The following UBE2J1 variants were observed in gnomAD, a reference collection of about 807,000 sequenced individuals.
UBE2J1 encodes ubiquitin conjugating enzyme E2 J1, also known as ubiquitin-conjugating enzyme E2 J1.
UBE2J1 carries 17 observed loss-of-function variants against 42.1 expected under a neutral mutation model. The observed-to-expected ratio is 0.40, with a 90% CI of 0.28 to 0.61. The LOEUF (loss-of-function observed/expected upper bound fraction) is 0.61. Among genes scored for constraint, UBE2J1 ranks in the 20% least tolerant of loss-of-function variants. The pLI, the probability that UBE2J1 is intolerant of heterozygous loss-of-function variation, is 0.38. For missense variants in UBE2J1, 291 were observed against 389.4 expected (o/e 0.75, Z 2.13); for synonymous variants, 127 against 137.2 (o/e 0.93, Z 0.52).
chr6:89,344,051 CATTA>C (rs1462794195), intron 1 of UBE2J1, among the ~76,000 whole-genome samples: 1 of 151,930 alleles, frequency 6.6e-6, no homozygotes, highest in East Asian at 1.9e-4. Context: ...CTTTTACAGA[CATTA>C]ATAACTCATT....
chr6:89,335,505 G>C, intron 5 of UBE2J1, 74 bp from the exon 6 acceptor site: 1 of 1,123,814 alleles, frequency 8.9e-7, no homozygotes, highest in Non-Finnish European at 1.2e-6. Context: ...ACACTCAAAT[G>C]CTCGATCATT....
chr6:89,345,531 G>C (rs1371071391), intron 1 of UBE2J1, among the ~76,000 whole-genome samples: 1 of 151,068 alleles, frequency 6.6e-6, no homozygotes, highest in Middle Eastern at 3.2e-3. Flanking sequence ...GCACCCAGGA[G>C]GTGGAGGTTG....
At chr6:89,340,704 C>CTGT (rs1280274486) in intron 3 of UBE2J1, among the ~76,000 whole-genome samples, 1 of 152,028 alleles carries the variant, frequency 6.6e-6, no homozygotes, top group African/African-American at 2.4e-5. Context: ...AATGTTCTCT[C>CTGT]TGTTATACAA....
chr6:89,333,055 A>G (rs948612481), intron 7 of UBE2J1, 31 bp downstream of exon 7: 2 of 1,561,914 alleles, frequency 1.3e-6, no homozygotes, highest in Non-Finnish European at 1.7e-6. Context: ...TGATAGAGAC[A>G]TACATATATA....
rs1049069133 is a variant in UBE2J1, at chr6:89,352,624, G to A, written c.-55C>T. 11 of 1,512,292 alleles carry A rather than the reference G, an allele frequency of 7.3e-6. No individual in the cohort carries two copies. The South Asian group carries it at 1.2e-4, about 17-fold the overall frequency. 93.7% of individuals were successfully genotyped at this position (1,512,292 alleles called of 1,614,324 possible). A position where few individuals can be genotyped will look rare whatever the true frequency, so the allele number is the denominator to read the frequency against. On this transcript the variant is annotated 5_prime_UTR_variant, in exon 1 of 8. Coordinates refer to ENST00000435041, the MANE Select transcript of UBE2J1 (RefSeq NM_016021.3). ...CGGGCCGCTGCCACCTCCTCTCCAC[G>A]CGGCCGCTGCCCGGGTCTCAGCGCG...
At chr6:89,337,220 C>A (rs990771364) in intron 5 of UBE2J1, among the ~76,000 whole-genome samples, 22 of 145,116 alleles carry the variant, frequency 1.5e-4, no homozygotes, top group African/African-American at 5.5e-4. Context: ...AACAAGAACT[C>A]CAGTTCTTTT....
chr6:89,337,095 C>T (rs1200981725), intron 5 of UBE2J1, among the ~76,000 whole-genome samples: 1 of 152,132 alleles, frequency 6.6e-6, no homozygotes, highest in Non-Finnish European at 1.5e-5. Context: ...CCTGTCTTGG[C>T]CTGCCAAAGA....
intron 6 of UBE2J1, among the ~76,000 whole-genome samples, chr6:89,333,530 GATGTGAACCT>G (rs1281219522): frequency 6.6e-6 from 1 of 152,200 alleles, no homozygotes; most frequent in Non-Finnish European, 1.5e-5. Flanking sequence ...GATATGAGCT[GATGTGAACCT>G]ATGAATAGTC....
chr6:89,351,069 C>CCT (rs1768466581), intron 1 of UBE2J1, among the ~76,000 whole-genome samples: 1 of 60,442 alleles, frequency 1.7e-5, no homozygotes, highest in Non-Finnish European at 3.0e-5. Flanking sequence ...CCGGGATTCT[C>CCT]TTTTTTTTTT....
At chr6:89,339,631 AGGGAAGGAG>A (rs2127867607) in intron 3 of UBE2J1, among the ~76,000 whole-genome samples, 1 of 842 alleles carries the variant, frequency 1.2e-3, no homozygotes, top group Non-Finnish European at 2.5e-3. Flanking sequence ...GAAGGGGAGG[AGGGAAGGAG>A]TGGGGGAGGG....
intron 2 of UBE2J1, among the ~76,000 whole-genome samples, 167 bp from the exon 3 acceptor site, chr6:89,342,622 T>C (rs1178998823): frequency 6.6e-6 from 1 of 152,236 alleles, no homozygotes; most frequent in African/African-American, 2.4e-5. Context: ...ATAAATTAAA[T>C]TTATAAGTAA....
In UBE2J1 at chr6:89,352,627, GC is replaced by G. The variant is rs556064049; in HGVS notation, c.-59del. On this transcript the variant is annotated 5_prime_UTR_variant, in exon 1 of 8. Transcript: ENST00000435041. Reference sequence around the variant, plus strand: ...GCCGCTGCCACCTCCTCTCCACGCGGCCGCTGCCCGGGTCTCAGCGCGGCTC... The same window carrying G: ...GCCGCTGCCACCTCCTCTCCACGCGGCGCTGCCCGGGTCTCAGCGCGGCTC... 1,396 of 1,507,738 alleles carry G rather than the reference GC, an allele frequency of 9.3e-4. 20 individuals carry two copies. In the African/African-American group the frequency reaches 0.016, roughly 18 times the overall value. The allele number at this position is 1,507,738 out of a possible 1,614,324, so 93.4% of individuals were successfully genotyped here.
intron 1 of UBE2J1, among the ~76,000 whole-genome samples, chr6:89,345,075 C>T (rs1768332764): frequency 6.6e-6 from 1 of 152,134 alleles, no homozygotes; most frequent in Admixed American, 6.5e-5. Flanking sequence ...GCTGGGAGGA[C>T]AGGCTGGGCA....
intron 1 of UBE2J1, among the ~76,000 whole-genome samples, chr6:89,344,809 G>C (rs1768326776): frequency 6.6e-6 from 1 of 152,160 alleles, no homozygotes; most frequent in South Asian, 2.1e-4. Flanking sequence ...TCTCCCTGAT[G>C]AATGACTGCT....
intron 4 of UBE2J1, 55 bp from the exon 5 acceptor site, chr6:89,338,365 T>C: frequency 1.3e-6 from 2 of 1,583,606 alleles, no homozygotes; most frequent in South Asian, 2.3e-5. Flanking sequence ...CAACTGGGTT[T>C]ATTCTGGAAA....
chr6:89,331,852 G>A (rs1272506348), intron 7 of UBE2J1, among the ~76,000 whole-genome samples: 1 of 149,478 alleles, frequency 6.7e-6, no homozygotes, highest in African/African-American at 2.6e-5. Flanking sequence ...GAAATAAAAA[G>A]TAATTAGAAA....
chr6:89,326,777 C>T lies in UBE2J1; in HGVS notation c.*2902G>A, dbSNP rs575956488. The T allele has an allele frequency of 6.6e-6, 1 of 152,210 alleles. No homozygotes were observed. Among genetic ancestry groups the T allele is most frequent in the South Asian group, 2.1e-4 (1 of 4,822 alleles). The allele number at this position is 152,210 out of a possible 1,614,324, so 9.4% of individuals were successfully genotyped here. On this transcript the variant is annotated 3_prime_UTR_variant, in exon 8 of 8. Transcript: ENST00000435041. ...AATGTGCACATTAGTCTTTGTTAGT[C>T]ACGTTCACTAAATGCATTAACCTTA...
intron 3 of UBE2J1, among the ~76,000 whole-genome samples, chr6:89,340,983 G>A (rs989495836): frequency 4.6e-5 from 7 of 151,856 alleles, no homozygotes; most frequent in African/African-American, 1.7e-4. Flanking sequence ...CACCTTGTTA[G>A]CCAGGATGGT....
Position 89,337,430 on chromosome 6 carries a change from T to C in UBE2J1, c.428+775A>G, listed in dbSNP as rs1349634192. On this transcript the variant is annotated intron_variant, in intron 5 of 7. Coordinates refer to ENST00000435041, the MANE Select transcript of UBE2J1 (RefSeq NM_016021.3). Reference sequence around the variant, plus strand: ...AAAAGTTGCTTATAAGACCAAGAAGTCTACCAAATCTTCCAGATGCTAAAA... The same window carrying C: ...AAAAGTTGCTTATAAGACCAAGAAGCCTACCAAATCTTCCAGATGCTAAAA... Among the ~76,000 whole-genome samples, 5 of 152,106 alleles carry C rather than the reference T, an allele frequency of 3.3e-5. No individual in the cohort carries two copies. The East Asian group carries it at 5.8e-4, about 18-fold the overall frequency.
Sources: gnomAD v4.1 joint callset for allele counts (sites outside exome capture counted in the v4.1 genomes callset) on GRCh38, gnomAD v4.1.1 for gene constraint, MANE v1.5 for transcripts, NCBI Gene and HGNC (gene_info 2026-07-23, HGNC 2026-07-21) for gene names.